GARRE1: variants seen among roughly 807,000 people sequenced by gnomAD.
GARRE1 encodes the protein granule associated Rac and RHOG effector 1, also known as granule associated Rac and RHOG effector protein 1.
GARRE1 carries 49 observed loss-of-function variants against 103.2 expected under a neutral mutation model. The observed-to-expected ratio is 0.47, with a 90% confidence interval of 0.38 to 0.60. GARRE1 has a LOEUF of 0.60. Ranked by LOEUF, GARRE1 falls within the 20% of genes least tolerant of loss-of-function variation. The pLI is 0.00. For synonymous variants in GARRE1, 505 were observed against 532.8 expected, an observed-to-expected ratio of 0.95 and a Z score of 0.72; for missense variants, 1,199 against 1,370.5, an observed-to-expected ratio of 0.87 and a Z score of 1.98.
chr19:34,256,519 CAAA>C (rs573908708), intron 1 of GARRE1, among the ~76,000 whole-genome samples: 7 of 106,726 alleles, frequency 6.6e-5, no homozygotes, highest in Admixed American at 1.1e-4. Context: ...GACTCCATCT[CAAA>C]AAAAAAAAAA....
chr19:34,300,709 G>A lies in GARRE1; in HGVS notation c.236G>A (p.Gly79Asp). The change falls in exon 2 of 14, where the codon GGC (glycine) becomes GAC (aspartate). Residue 79 changes from glycine (G) to aspartate (D), a missense_variant. Physicochemically the swap from Gly to Asp is moderately conservative, Grantham distance 94. Transcript: ENST00000299505. ...HTTPIADIQQGISKYLDALNV... is the reference protein window; with the variant it reads ...HTTPIADIQQDISKYLDALNV... ...ACTCCTATCGCCGACATCCAGCAGG[G>A]CATCTCCAAGTATCTGGATGCCCTG... 6.2e-7 allele frequency: 1 copy of A among 1,614,126 alleles called. No individual in the cohort carries two copies. The highest frequency in any genetic ancestry group is 8.5e-7 in the Non-Finnish European group (1 of 1,180,036).
chr19:34,341,753 G>A lies in GARRE1; in HGVS notation c.1819G>A (p.Ala607Thr), dbSNP rs1388922754. 6.2e-7 allele frequency: 1 copy of A among 1,614,228 alleles called. No homozygotes were observed. Among genetic ancestry groups the A allele is most frequent in the Non-Finnish European group, 8.5e-7 (1 of 1,180,034 alleles). ...FPRTTDPSQSAQNSSNTVANG... is the reference protein window; with the variant it reads ...FPRTTDPSQSTQNSSNTVANG... Reference sequence around the variant, plus strand: ...CAGGACTACAGACCCTTCACAGTCAGCTCAGAATTCCAGTAATACAGTGGC... The same window carrying A: ...CAGGACTACAGACCCTTCACAGTCAACTCAGAATTCCAGTAATACAGTGGC... The change falls in exon 10 of 14, where the codon GCT becomes ACT. Residue 607 changes from alanine to threonine, a missense_variant. Ala to Thr is a moderately conservative substitution (Grantham distance 58, BLOSUM62 0). Transcript: ENST00000299505.
intron 10 of GARRE1, among the ~76,000 whole-genome samples, chr19:34,343,647 G>C (rs1044520060): frequency 1.3e-5 from 2 of 152,008 alleles, no homozygotes; most frequent in African/African-American, 2.4e-5. Context: ...AGGAGTTCAA[G>C]ACCAGTTTGG....
At chr19:34,293,745 T>A (rs372027935) in intron 1 of GARRE1, among the ~76,000 whole-genome samples, 3 of 29,510 alleles carry the variant, frequency 1.0e-4, no homozygotes, top group South Asian at 1.3e-3. Flanking sequence ...CACACACACA[T>A]ATTTCTTTTT....
chr19:34,344,101 A>C (rs1369164005), intron 10 of GARRE1, among the ~76,000 whole-genome samples: 1 of 152,156 alleles, frequency 6.6e-6, no homozygotes, highest in African/African-American at 2.4e-5. Flanking sequence ...CTGATAATAG[A>C]ATTGAACCCC....
At chr19:34,341,339 G>A (rs1292608051) in intron 9 of GARRE1, 83 bp from the exon 10 acceptor site, 7 of 1,202,850 alleles carry the variant, frequency 5.8e-6, no homozygotes, top group East Asian at 5.1e-5. Flanking sequence ...TGCTCTCAAC[G>A]CCATTCTTAA....
chr19:34,305,382 C>G (rs2145246357), intron 2 of GARRE1, among the ~76,000 whole-genome samples: 1 of 152,344 alleles, frequency 6.6e-6, no homozygotes, highest in South Asian at 2.1e-4. Context: ...GTTAGGAACA[C>G]TTTGTCCTCT....
intron 2 of GARRE1, among the ~76,000 whole-genome samples, chr19:34,312,895 C>G (rs1170858993): frequency 6.6e-6 from 1 of 151,742 alleles, no homozygotes; most frequent in Non-Finnish European, 1.5e-5. Flanking sequence ...CCATTGCACT[C>G]CAGCCTGAGC....
intron 2 of GARRE1, among the ~76,000 whole-genome samples, chr19:34,313,545 C>G (rs1348414375): frequency 6.6e-6 from 1 of 152,156 alleles, no homozygotes; most frequent in Non-Finnish European, 1.5e-5. Context: ...AGCGGCCTCA[C>G]CCAAGTGATG....
At chr19:34,292,417 A>G (rs897348463) in intron 1 of GARRE1, among the ~76,000 whole-genome samples, 2 of 152,198 alleles carry the variant, frequency 1.3e-5, no homozygotes, top group African/African-American at 4.8e-5. Context: ...ACTATTATGA[A>G]TAATGCTGCT....
At chr19:34,275,026 A>G (rs1239476994) in intron 1 of GARRE1, among the ~76,000 whole-genome samples, 1 of 152,242 alleles carries the variant, frequency 6.6e-6, no homozygotes, top group Non-Finnish European at 1.5e-5. Flanking sequence ...GACTAAAAAC[A>G]TGGAAATGGT....
At chr19:34,349,329 C>T (rs1279643179) in intron 12 of GARRE1, among the ~76,000 whole-genome samples, 176 bp downstream of exon 12, 1 of 152,154 alleles carries the variant, frequency 6.6e-6, no homozygotes, top group Non-Finnish European at 1.5e-5. Context: ...GAGGCGGTTT[C>T]CACAAGGAAG....
intron 9 of GARRE1, among the ~76,000 whole-genome samples, 195 bp downstream of exon 9, chr19:34,340,187 C>T (rs2074179466): frequency 6.6e-6 from 1 of 152,120 alleles, no homozygotes; most frequent in African/African-American, 2.4e-5. Flanking sequence ...TGCTCCATGC[C>T]CTGTACCAGA....
intron 1 of GARRE1, among the ~76,000 whole-genome samples, chr19:34,280,185 A>T (rs1379982724): frequency 6.6e-6 from 1 of 151,944 alleles, no homozygotes. Flanking sequence ...ATGAGAACCC[A>T]CTCACTATTG....
chr19:34,269,056 C>G (rs1433235053), intron 1 of GARRE1, among the ~76,000 whole-genome samples: 3 of 152,140 alleles, frequency 2.0e-5, no homozygotes, highest in African/African-American at 7.2e-5. Flanking sequence ...AATTTTGGCT[C>G]TGTTGACCTT....
intron 2 of GARRE1, among the ~76,000 whole-genome samples, chr19:34,317,024 G>A (rs761648118): frequency 1.1e-4 from 16 of 152,352 alleles, no homozygotes; most frequent in Middle Eastern, 3.4e-3. Flanking sequence ...TGATGGCCTT[G>A]TCAGAGAGCA....
intron 1 of GARRE1, among the ~76,000 whole-genome samples, chr19:34,299,194 C>T (rs1413622707): frequency 3.3e-5 from 5 of 152,176 alleles, no homozygotes; most frequent in Admixed American, 3.3e-4. Context: ...CAAACCTATC[C>T]TACAATCAAG....
At chr19:34,268,468 A>AT (rs2073766075) in intron 1 of GARRE1, among the ~76,000 whole-genome samples, 2 of 152,064 alleles carry the variant, frequency 1.3e-5, no homozygotes, top group Non-Finnish European at 2.9e-5. Context: ...AAGAGTTCTA[A>AT]TACTAGTTTT....
intron 11 of GARRE1, 60 bp from the exon 12 acceptor site, chr19:34,348,956 G>A: frequency 6.3e-7 from 1 of 1,593,844 alleles, no homozygotes; most frequent in Non-Finnish European, 8.5e-7. Flanking sequence ...CTTTCAGGGT[G>A]GGGTGGCGGG....
Sources: gnomAD v4.1 joint callset for allele counts (sites outside exome capture counted in the v4.1 genomes callset) on GRCh38, gnomAD v4.1.1 for gene constraint, MANE v1.5 for transcripts, NCBI Gene and HGNC (gene_info 2026-07-23, HGNC 2026-07-21) for gene names.